ADSS2: variants seen among roughly 807,000 people sequenced by gnomAD.
The protein encoded by ADSS2 is adenylosuccinate synthetase isozyme 2.
A neutral mutation model predicts 60.0 loss-of-function variants in ADSS2; 30 were observed. The observed-to-expected ratio is 0.50, with a 90% CI of 0.37 to 0.68. The LOEUF (loss-of-function observed/expected upper bound fraction) is 0.68. Among genes scored for constraint, ADSS2 ranks in the 30% least tolerant of loss-of-function variants. ADSS2 has a pLI of 0.00. For missense variants in ADSS2, 373 were observed against 554.8 expected, an observed-to-expected ratio of 0.67 and a Z score of 3.29; for synonymous variants, 187 against 193.1, an observed-to-expected ratio of 0.97 and a Z score of 0.26.
chr1:244,435,027 G>C (rs1053702105), intron 3 of ADSS2, among the ~76,000 whole-genome samples: 4 of 151,728 alleles, frequency 2.6e-5, no homozygotes, highest in Admixed American at 2.6e-4. Context: ...AATTAGCTGG[G>C]CATGGTGGCA....
chr1:244,447,663 A>G (rs1665428324), intron 1 of ADSS2, among the ~76,000 whole-genome samples: 1 of 152,200 alleles, frequency 6.6e-6, no homozygotes, highest in Non-Finnish European at 1.5e-5. Context: ...TTTTAATATA[A>G]ACAAAGACTT....
chr1:244,423,441 G>C (rs1348936604), intron 6 of ADSS2, among the ~76,000 whole-genome samples: 1 of 152,176 alleles, frequency 6.6e-6, no homozygotes, highest in Non-Finnish European at 1.5e-5. Flanking sequence ...GAGTCACTGA[G>C]TAGCTTTTTG....
rs1364708861 is a variant in ADSS2, at chr1:244,451,608, T to C, written c.183+27A>G. 2 of 1,586,948 alleles carry C rather than the reference T, an allele frequency of 1.3e-6. No individual in the cohort carries two copies. Among genetic ancestry groups the C allele is most frequent in the Non-Finnish European group, 1.7e-6 (2 of 1,165,654 alleles). ...GGCAGCCCGAGCTCCCGGGCCCGGCTTCCCATGAGAGGCCCCGTCGCCTCA... is the reference window on the plus strand; with the variant it reads ...GGCAGCCCGAGCTCCCGGGCCCGGCCTCCCATGAGAGGCCCCGTCGCCTCA... On this transcript the variant is annotated intron_variant, in intron 1 of 12. Transcript: ENST00000366535. This position sits in a 1 kb window ranked among gnomAD's most constrained non-coding sequence, Gnocchi z 6.6.
chr1:244,437,850 C>T (rs3127465), intron 1 of ADSS2, 82 bp from the exon 2 acceptor site: 839,535 of 1,032,232 alleles, frequency 0.81, 343,737 homozygotes, highest in African/African-American at 0.91. Flanking sequence ...AATTAATGAC[C>T]TCCTGCCAAA....
intron 6 of ADSS2, 35 bp downstream of exon 6, chr1:244,423,918 T>C (rs749788469): frequency 3.9e-6 from 6 of 1,542,188 alleles, no homozygotes; most frequent in Non-Finnish European, 5.3e-6. Flanking sequence ...AAAAAATGCA[T>C]TCATTCCTTC....
At chr1:244,432,308 A>G (rs566353275) in intron 4 of ADSS2, among the ~76,000 whole-genome samples, 1 of 152,364 alleles carries the variant, frequency 6.6e-6, no homozygotes, top group South Asian at 2.1e-4. Flanking sequence ...CTTATGAAAT[A>G]CTGCTTGTAT....
intron 4 of ADSS2, 142 bp from the exon 5 acceptor site, chr1:244,424,529 T>C (rs1047692588): frequency 1.2e-4 from 72 of 623,806 alleles, no homozygotes; most frequent in Non-Finnish European, 1.7e-5. Context: ...GAAGTGATGA[T>C]AGAAGTTTAT....
chr1:244,412,928 C>T (rs1020272289), intron 11 of ADSS2, among the ~76,000 whole-genome samples: 1 of 152,190 alleles, frequency 6.6e-6, no homozygotes, highest in Admixed American at 6.5e-5. Flanking sequence ...TGCAAGGCAG[C>T]ATGTGCCCAT....
intron 1 of ADSS2, among the ~76,000 whole-genome samples, chr1:244,450,190 G>A (rs1163704474): frequency 1.3e-5 from 2 of 152,226 alleles, no homozygotes; most frequent in East Asian, 1.9e-4. Context: ...AAGACAAAAG[G>A]TAGGTAAAGG....
intron 11 of ADSS2, among the ~76,000 whole-genome samples, chr1:244,413,471 G>C (rs1003942201): frequency 6.6e-6 from 1 of 152,198 alleles, no homozygotes; most frequent in Non-Finnish European, 1.5e-5. Flanking sequence ...AGCAAGTCCA[G>C]AAGCCACCCA....
intron 10 of ADSS2, among the ~76,000 whole-genome samples, chr1:244,416,464 T>C (rs1404361968): frequency 1.3e-5 from 2 of 152,106 alleles, no homozygotes; most frequent in Admixed American, 6.5e-5. Context: ...ACTACAGGCG[T>C]GTGCCACCAG....
chr1:244,421,330 T>A (rs1664670052), intron 7 of ADSS2, among the ~76,000 whole-genome samples: 1 of 152,348 alleles, frequency 6.6e-6, no homozygotes, highest in Non-Finnish European at 1.5e-5. Flanking sequence ...CAACTATGTT[T>A]AAATATGTAG....
chr1:244,431,938 G>A (rs1296015966), intron 4 of ADSS2, among the ~76,000 whole-genome samples: 4 of 152,128 alleles, frequency 2.6e-5, no homozygotes, highest in Non-Finnish European at 4.4e-5. Flanking sequence ...CAGGACACAC[G>A]CATACTTAAA....
In ADSS2 at chr1:244,445,107, G is replaced by C. The variant is rs564496879; in HGVS notation, c.183+6528C>G. 2.0e-5 allele frequency among the ~76,000 whole-genome samples: 3 copies of C among 152,258 alleles called. No individual in the cohort carries two copies. The South Asian group carries it at 6.2e-4, about 32-fold the overall frequency. On this transcript the variant is annotated intron_variant, in intron 1 of 12. Transcript: ENST00000366535. Reference sequence around the variant, plus strand: ...CAGTCTGAGATGCCTGTCACCTACGGGAAGCATCCTAAAGAAAAAGGTTGC... The same window carrying C: ...CAGTCTGAGATGCCTGTCACCTACGCGAAGCATCCTAAAGAAAAAGGTTGC...
chr1:244,436,355 G>A (rs941636187), intron 3 of ADSS2, among the ~76,000 whole-genome samples: 2 of 152,142 alleles, frequency 1.3e-5, no homozygotes, highest in African/African-American at 4.8e-5. Flanking sequence ...TAAGAAGATG[G>A]GCATGGATAT....
chr1:244,428,516 A>AAGGG (rs1285768374), intron 4 of ADSS2, among the ~76,000 whole-genome samples: 3 of 149,096 alleles, frequency 2.0e-5, no homozygotes, highest in Admixed American at 6.7e-5. Context: ...GGAAGGAAGG[A>AAGGG]AGGGAGGGAG....
Position 244,451,833 on chromosome 1 carries a change from A to ATC in ADSS2, c.-17_-16insGA. On this transcript the variant is annotated 5_prime_UTR_variant, in exon 1 of 13. Transcript: ENST00000366535. The surrounding 1 kb of genome is among the most constrained non-coding windows in gnomAD (Gnocchi z 6.6). ...CGAACGCCATGGCTCCAGTGACGCG[A>ATC]GGAGAGCCCGAAGGAGAGGCGGCCG... The ATC allele has an allele frequency of 6.4e-7, 1 of 1,566,530 alleles. No individual in the cohort carries two copies. Among genetic ancestry groups the ATC allele is most frequent in the Non-Finnish European group, 8.6e-7 (1 of 1,159,246 alleles).
At chr1:244,450,031 G>A (rs532190120) in intron 1 of ADSS2, among the ~76,000 whole-genome samples, 78 of 152,316 alleles carry the variant, frequency 5.1e-4, no homozygotes, top group Middle Eastern at 3.4e-3. Context: ...AACCCATAGT[G>A]TAGCTCAACC....
chr1:244,451,752 C>T lies in ADSS2; in HGVS notation c.66G>A (p.Arg22=). ...TCACCCGGTTTCCTCCGGGCCGCGC[C>T]CTGGGGCGGCCGCAATCGCCGTTGG... ...SLPNGDCGRP[R]ARPGGNRVTV... Residue 22 remains arginine, a synonymous_variant, in exon 1 of 13, where the codon AGG becomes AGA. Coordinates refer to ENST00000366535, the MANE Select transcript of ADSS2 (RefSeq NM_001126.5). This position sits in a 1 kb window ranked among gnomAD's most constrained non-coding sequence, Gnocchi z 6.6. The T allele has an allele frequency of 6.2e-7, 1 of 1,602,138 alleles. No homozygotes were observed. The highest frequency in any genetic ancestry group is 2.3e-5 in the East Asian group (1 of 44,258).
Sources: gnomAD v4.1 joint callset for allele counts (sites outside exome capture counted in the v4.1 genomes callset) on GRCh38, gnomAD v4.1.1 for gene constraint, Gnocchi (gnomAD v3.1) non-coding constraint, MANE v1.5 for transcripts, NCBI Gene and HGNC (gene_info 2026-07-23, HGNC 2026-07-21) for gene names.